The following DRAM1 variants were observed in gnomAD, a reference collection of about 807,000 sequenced individuals.
DRAM1 encodes the protein DNA damage regulated autophagy modulator 1.
Under a neutral mutation model 28.5 loss-of-function variants are expected in DRAM1, and 25 were observed. The ratio of observed to expected loss-of-function variants is 0.88; its 90% CI spans 0.64 to 1.23. The LOEUF is 1.23. Ranked by LOEUF, DRAM1 falls within the 50% of genes most tolerant of loss-of-function variation. The pLI is 0.00. For missense variants in DRAM1, 249 were observed against 299.2 expected, an observed-to-expected ratio of 0.83 and a Z score of 1.24; for synonymous variants, 113 against 114.2, an observed-to-expected ratio of 0.99 and a Z score of 0.07.
In DRAM1 at chr12:101,908,219, G is replaced by A. The variant is rs751719297; in HGVS notation, c.376G>A (p.Ala126Thr). The A allele has an allele frequency of 3.7e-6, 6 of 1,611,824 alleles. No individual in the cohort carries two copies. The highest frequency in any genetic ancestry group is 1.7e-4 in the Middle Eastern group (1 of 6,036). The change falls in exon 4 of 7, where the codon GCT (alanine) becomes ACT (threonine). Residue 126 changes from alanine to threonine, a missense_variant. Ala to Thr is a moderately conservative substitution (Grantham distance 58, BLOSUM62 0). Transcript: ENST00000258534. ...TGTGCCAGTGGTTCATGACGGGGGC[G>A]CTCTTTTGGCCTTTGTCTGTGGTGT... ...LAVPVVHDGG[A>T]LLAFVCGVVY...
At chr12:101,889,532 G>GA (rs369679764) in intron 1 of DRAM1, among the ~76,000 whole-genome samples, 2 of 152,166 alleles carry the variant, frequency 1.3e-5, no homozygotes, top group Admixed American at 6.5e-5. Context: ...AGGAAGGAAG[G>GA]AAGGAAAAGA....
intron 1 of DRAM1, chr12:101,890,118 G>A (rs753415003): frequency 2.0e-4 from 91 of 447,542 alleles, no homozygotes; most frequent in Non-Finnish European, 3.3e-4. Context: ...TCACTCTGTC[G>A]GCCAGGCTGG....
At chr12:101,908,477 G>T in intron 4 of DRAM1, 114 bp downstream of exon 4, 1 of 1,114,766 alleles carries the variant, frequency 9.0e-7, no homozygotes, top group Non-Finnish European at 1.3e-6. Context: ...TGACAGCAGG[G>T]CGGAGAGATT....
chr12:101,915,949 G>T (rs1457427352), intron 5 of DRAM1, among the ~76,000 whole-genome samples: 1 of 152,206 alleles, frequency 6.6e-6, no homozygotes, highest in Non-Finnish European at 1.5e-5. Context: ...TGGAGAGCTT[G>T]GCATTAGGAG....
chr12:101,892,800 T>C (rs1304906966), intron 1 of DRAM1, among the ~76,000 whole-genome samples: 1 of 152,202 alleles, frequency 6.6e-6, no homozygotes, highest in Non-Finnish European at 1.5e-5. Context: ...AAATTGATAA[T>C]TGTTATCTGA....
rs543302665 is a variant in DRAM1 at position 101,913,534 on chromosome 12, C to T, written c.521-640C>T. Among the ~76,000 whole-genome samples, 4 of 151,560 alleles carry T rather than the reference C, an allele frequency of 2.6e-5. No individual in the cohort carries two copies. In the East Asian group the frequency reaches 5.8e-4, roughly 22 times the overall value. ...CAGCCTGACCAACATGGAGAAACAC[C>T]GTCTCTACTAAAAATACAAAAAATT... On this transcript the variant is annotated intron_variant, in intron 4 of 6. Coordinates refer to ENST00000258534, the MANE Select transcript of DRAM1 (RefSeq NM_018370.3).
In DRAM1 at chr12:101,877,945, GC is replaced by G; in HGVS notation, c.131+29del. On this transcript the variant is annotated intron_variant, in intron 1 of 6. Coordinates refer to ENST00000258534, the MANE Select transcript of DRAM1 (RefSeq NM_018370.3). This position sits in a 1 kb window ranked among gnomAD's most constrained non-coding sequence, Gnocchi z 4.1. Reference sequence around the variant, plus strand: ...GGTGAGTGGCAGGGTGGGCGTCAGGGCCCCAGGAGCAGGCACAGGGACCACA... The same window carrying G: ...GGTGAGTGGCAGGGTGGGCGTCAGGGCCCAGGAGCAGGCACAGGGACCACA... 6.7e-7 allele frequency: 1 copy of G among 1,496,302 alleles called. No homozygotes were observed. 92.7% of individuals were successfully genotyped at this position (1,496,302 alleles called of 1,614,324 possible).
intron 1 of DRAM1, among the ~76,000 whole-genome samples, chr12:101,889,436 C>G (rs1410741794): frequency 6.6e-6 from 1 of 151,656 alleles, no homozygotes; most frequent in African/African-American, 2.4e-5. Flanking sequence ...ATTAAACCTC[C>G]ACTCAGACAA....
At chr12:101,912,657 G>T (rs916722630) in intron 4 of DRAM1, among the ~76,000 whole-genome samples, 25 of 152,016 alleles carry the variant, frequency 1.6e-4, no homozygotes, top group African/African-American at 5.6e-4. Flanking sequence ...TGCACAATTT[G>T]CGGGGGGTTG....
chr12:101,914,849 G>A (rs1874174494), intron 5 of DRAM1, among the ~76,000 whole-genome samples: 1 of 152,140 alleles, frequency 6.6e-6, no homozygotes, highest in Admixed American at 6.5e-5. Flanking sequence ...TAGAGACAGG[G>A]TTTTTCCCAT....
At chr12:101,904,243 C>T (rs958426043) in intron 3 of DRAM1, among the ~76,000 whole-genome samples, 20 of 152,014 alleles carry the variant, frequency 1.3e-4, no homozygotes, top group Admixed American at 5.2e-4. Context: ...CCTCCCACCT[C>T]GGCCTCCTGA....
chr12:101,921,918 T>C lies in DRAM1; in HGVS notation c.*658T>C, dbSNP rs1301051281. On this transcript the variant is annotated 3_prime_UTR_variant, in exon 7 of 7. Coordinates refer to ENST00000258534, the MANE Select transcript of DRAM1 (RefSeq NM_018370.3). The stretch of plus-strand genomic sequence containing the variant: ...TTTTGAAATTCTGCCACCTTGTTTC[T>C]CCCTGCTCATGAGGTCGCACCTTTT... 1.3e-5 allele frequency: 2 copies of C among 152,298 alleles called. No homozygotes were observed. Among genetic ancestry groups the C allele is most frequent in the African/African-American group, 4.8e-5 (2 of 41,456 alleles). 9.4% of individuals were successfully genotyped at this position (152,298 alleles called of 1,614,324 possible). A position where few individuals can be genotyped will look rare whatever the true frequency, so the allele number is the denominator to read the frequency against.
chr12:101,913,428 G>A lies in DRAM1; in HGVS notation c.521-746G>A, dbSNP rs541533649. ...TACCTTGGAAATAGTATTTTAGGCC[G>A]GGCACGGTGGCTCATGCCTGTAATC... On this transcript the variant is annotated intron_variant, in intron 4 of 6. Transcript: ENST00000258534. 4.6e-5 allele frequency among the ~76,000 whole-genome samples: 7 copies of A among 152,066 alleles called. No homozygotes were observed. In the South Asian group the frequency reaches 8.3e-4, roughly 18 times the overall value.
At chr12:101,903,185 A>G in intron 3 of DRAM1, among the ~76,000 whole-genome samples, 1 of 152,294 alleles carries the variant, frequency 6.6e-6, no homozygotes, top group African/African-American at 2.4e-5. Flanking sequence ...TGCTGGGATT[A>G]CAGGCATGAG....
At chr12:101,920,340 C>G (rs1594315692) in intron 6 of DRAM1, 139 bp downstream of exon 6, 2 of 289,426 alleles carry the variant, frequency 6.9e-6, no homozygotes, top group East Asian at 7.3e-5. Flanking sequence ...GCTCTGTCGC[C>G]CAGGCCGGAC....
At position 101,877,900 on chromosome 12, in the gene DRAM1, C is replaced by G. The variant is rs1486941090; in HGVS notation, c.111C>G (p.Asn37Lys). The change falls in exon 1 of 7, where the codon AAC becomes AAG. Residue 37 changes from asparagine to lysine, a missense_variant. Transcript: ENST00000258534. The surrounding 1 kb of genome is among the most constrained non-coding windows in gnomAD (Gnocchi z 4.1). ...TCGCCGTGCTCTCCGGGCACGTCAA[C>G]CCCTTCCTCCCGTATATCAGGTGAG... Reference protein sequence around the residue: ...YVVAVLSGHVNPFLPYISDTG... With the variant: ...YVVAVLSGHVKPFLPYISDTG... The G allele has an allele frequency of 1.9e-6, 3 of 1,538,488 alleles. No homozygotes were observed. Among genetic ancestry groups the G allele is most frequent in the Middle Eastern group, 1.7e-4 (1 of 5,934 alleles).
chr12:101,895,425 G>A (rs923099672), intron 1 of DRAM1, among the ~76,000 whole-genome samples: 6 of 150,034 alleles, frequency 4.0e-5, no homozygotes, highest in Non-Finnish European at 7.4e-5. Flanking sequence ...TGATCTTCCC[G>A]CCTCGGCCCA....
rs61325494 is a variant in DRAM1 at position 101,895,566 on chromosome 12, A to ATTTTTGGTTTTTT, written c.132-2292_132-2291insGGTTTTTTTTTTT. On this transcript the variant is annotated intron_variant, in intron 1 of 6. Transcript: ENST00000258534. ...AAAGGCATTTGCTGTAAGGGAGGCT[A>ATTTTTGGTTTTTT]TTTTTTTTTTTTTTTTTTTTTTGAG... 7.7e-5 allele frequency among the ~76,000 whole-genome samples: 8 copies of ATTTTTGGTTTTTT among 103,410 alleles called. 1 individual carries two copies. Among genetic ancestry groups the ATTTTTGGTTTTTT allele is most frequent in the African/African-American group, 1.6e-4 (4 of 25,006 alleles). The allele number at this position is 103,410 out of a possible 152,430, so 67.8% of individuals were successfully genotyped here. A position where few individuals can be genotyped will look rare whatever the true frequency, so the allele number is the denominator to read the frequency against.
At chr12:101,890,208 A>G (rs1873058254) in intron 1 of DRAM1, 3 of 358,308 alleles carry the variant, frequency 8.4e-6, no homozygotes, top group Admixed American at 7.5e-5. Flanking sequence ...CCACCCGAGT[A>G]GCTGGGATTA....
Sources: gnomAD v4.1 joint callset for allele counts (sites outside exome capture counted in the v4.1 genomes callset) on GRCh38, gnomAD v4.1.1 for gene constraint, Gnocchi (gnomAD v3.1) non-coding constraint, MANE v1.5 for transcripts, NCBI Gene and HGNC (gene_info 2026-07-23, HGNC 2026-07-21) for gene names.